NWD1: variants seen among roughly 807,000 people sequenced by gnomAD.
The protein encoded by NWD1 is NACHT domain- and WD repeat-containing protein 1.
NWD1 carries 129 observed loss-of-function variants against 135.1 expected under a neutral mutation model. The ratio of observed to expected loss-of-function variants is 0.96; its 90% CI spans 0.83 to 1.11. The LOEUF (loss-of-function observed/expected upper bound fraction) is 1.11, where lower values mean the gene tolerates loss of function less well. NWD1 is among the 50% of genes least tolerant of loss of function. The pLI, the probability that NWD1 is intolerant of heterozygous loss-of-function variation, is 0.00. For synonymous variants in NWD1, 773 were observed against 786.0 expected (o/e 0.98, Z 0.28); for missense variants, 1,740 against 1,851.3 (o/e 0.94, Z 1.10).
At chr19:16,744,050 A>G (rs540861274) in intron 4 of NWD1, among the ~76,000 whole-genome samples, 235 of 152,254 alleles carry the variant, frequency 1.5e-3, no homozygotes, top group Non-Finnish European at 2.4e-3. Flanking sequence ...AAGGACCCAC[A>G]AAAGCAGCTA....
chr19:16,809,594 A>G (rs1970860006), intron 18 of NWD1, among the ~76,000 whole-genome samples: 1 of 134,522 alleles, frequency 7.4e-6, no homozygotes, highest in Admixed American at 8.7e-5. Context: ...TTGCTCTGTC[A>G]CCCAGGCTGG....
chr19:16,744,898 G>A, intron 5 of NWD1, 180 bp downstream of exon 5: 3 of 661,648 alleles, frequency 4.5e-6, no homozygotes, highest in Non-Finnish European at 8.1e-6. Flanking sequence ...GTTCAGCCAT[G>A]TTCCTGATCA....
Position 16,790,473 on chromosome 19 carries a change from G to A in NWD1, c.2941-877G>A, listed in dbSNP as rs372061937. ...AAACACTTGAAATTCGGGGGGTAGGGGGTAAGGGGAGGGAGAGCATTAGGA... is the reference window on the plus strand; with the variant it reads ...AAACACTTGAAATTCGGGGGGTAGGAGGTAAGGGGAGGGAGAGCATTAGGA... On this transcript the variant is annotated intron_variant, in intron 13 of 18. Transcript: ENST00000524140. Among the ~76,000 whole-genome samples the A allele has an allele frequency of 5.9e-5, 9 of 151,846 alleles. No individual in the cohort carries two copies. In the East Asian group the frequency reaches 1.5e-3, roughly 26 times the overall value.
Position 16,779,424 on chromosome 19 carries a change from T to C in NWD1, c.2690T>C (p.Met897Thr). Residue 897 changes from methionine (M) to threonine (T), a missense_variant, in exon 12 of 19, where the codon ATG (methionine) becomes ACG (threonine). Physicochemically the swap from Met to Thr is moderately conservative, Grantham distance 81 (BLOSUM62 -1). Coordinates refer to ENST00000524140, the MANE Select transcript of NWD1 (RefSeq NM_001007525.5). ...TQDGIMAVWD[M>T]EEQHVIHMLT... is the part of the protein sequence containing the mutation. ...GATGGCATCATGGCTGTGTGGGACA[T>C]GGAAGAGCAGCATGTGATCCACATG... 2 of 1,613,656 alleles carry C rather than the reference T, an allele frequency of 1.2e-6. No homozygotes were observed. Among genetic ancestry groups the C allele is most frequent in the Non-Finnish European group, 8.5e-7 (1 of 1,179,922 alleles).
intron 4 of NWD1, among the ~76,000 whole-genome samples, chr19:16,742,150 G>T (rs1029476719): frequency 6.6e-6 from 1 of 151,008 alleles, no homozygotes; most frequent in Admixed American, 6.6e-5. Flanking sequence ...TGAAGCAGGC[G>T]GATCACCTGA....
At chr19:16,811,023 A>G (rs564343207) in intron 18 of NWD1, among the ~76,000 whole-genome samples, 44 of 152,020 alleles carry the variant, frequency 2.9e-4, no homozygotes, top group Non-Finnish European at 5.3e-4. Flanking sequence ...GTGCCACTGC[A>G]CCTGGCTAAT....
At chr19:16,734,177 G>A (rs547713105) in intron 3 of NWD1, among the ~76,000 whole-genome samples, 4 of 152,220 alleles carry the variant, frequency 2.6e-5, no homozygotes, top group Non-Finnish European at 5.9e-5. Context: ...TCCTTTGCAA[G>A]GAAAGCTTTG....
chr19:16,720,855 G>T (rs1399418162), intron 1 of NWD1, among the ~76,000 whole-genome samples: 1 of 151,858 alleles, frequency 6.6e-6, no homozygotes. Context: ...ACCTGGCCGA[G>T]ACTTTTTCTT....
chr19:16,740,535 G>T (rs898394408), intron 4 of NWD1, among the ~76,000 whole-genome samples: 2 of 151,240 alleles, frequency 1.3e-5, no homozygotes, highest in Non-Finnish European at 2.9e-5. Flanking sequence ...ACAGGGTTTC[G>T]CCATGTTGGC....
intron 4 of NWD1, among the ~76,000 whole-genome samples, chr19:16,737,178 TCCAATTGCA>T (rs1299325227): frequency 6.6e-6 from 1 of 152,108 alleles, no homozygotes. Flanking sequence ...CCCTCTCTCT[TCCAATTGCA>T]CCCCTTCTAT....
chr19:16,721,183 G>T (rs967039290), intron 1 of NWD1, among the ~76,000 whole-genome samples: 1 of 151,960 alleles, frequency 6.6e-6, no homozygotes, highest in African/African-American at 2.4e-5. Context: ...GACTTTGGTG[G>T]TGGTGGTGGG....
intron 17 of NWD1, among the ~76,000 whole-genome samples, chr19:16,803,471 A>G (rs187031695): frequency 3.3e-5 from 5 of 152,216 alleles, no homozygotes; most frequent in Admixed American, 2.6e-4. Context: ...TAGCTAGTCA[A>G]AAACAGGTTT....
chr19:16,746,018 C>A (rs1968298538), intron 5 of NWD1, among the ~76,000 whole-genome samples: 1 of 152,074 alleles, frequency 6.6e-6, no homozygotes, highest in Non-Finnish European at 1.5e-5. Context: ...CTGTGTATAA[C>A]TTTTGACTCC....
intron 12 of NWD1, among the ~76,000 whole-genome samples, chr19:16,788,398 T>C (rs1970129286): frequency 6.7e-6 from 1 of 149,654 alleles, no homozygotes; most frequent in Admixed American, 6.7e-5. Flanking sequence ...GTCAAACCCG[T>C]CTCCACTAAA....
Position 16,797,734 on chromosome 19 carries a change from T to G in NWD1, c.3307T>G (p.Phe1103Val). The G allele has an allele frequency of 6.2e-7, 1 of 1,613,714 alleles. No homozygotes were observed. Residue 1103 changes from phenylalanine (F) to valine (V), a missense_variant and splice_region_variant, in exon 16 of 19, where the codon TTT becomes GTT. Physicochemically the swap from Phe to Val is conservative, Grantham distance 50. Transcript: ENST00000524140. ...AACCCCAGTTCCTGCCGTTTCAGGC[T>G]TTGGAAGATCGGTGCGGATATTCTT... ...SEDESLLAAGFGRSVRIFLAD... is the reference protein window; with the variant it reads ...SEDESLLAAGVGRSVRIFLAD...
intron 8 of NWD1, among the ~76,000 whole-genome samples, chr19:16,763,525 C>G (rs974303119): frequency 6.6e-6 from 1 of 152,136 alleles, no homozygotes; most frequent in African/African-American, 2.4e-5. Flanking sequence ...CCATTGTTTT[C>G]TGACACATTT....
At chr19:16,806,313 C>T (rs938827050) in intron 17 of NWD1, among the ~76,000 whole-genome samples, 5 of 152,064 alleles carry the variant, frequency 3.3e-5, no homozygotes, top group Non-Finnish European at 7.4e-5. Flanking sequence ...GGGAATTGCC[C>T]ACTGATGAAA....
chr19:16,734,734 C>CTATTTATTTATTTATTTATT (rs58756047), intron 3 of NWD1, among the ~76,000 whole-genome samples: 13 of 141,790 alleles, frequency 9.2e-5, no homozygotes, highest in African/African-American at 2.9e-4. Context: ...CTACACCTGG[C>CTATTTATTTATTTATTTATT]TATTTATTTA....
chr19:16,743,260 G>C (rs948873738), intron 4 of NWD1, among the ~76,000 whole-genome samples: 4 of 151,164 alleles, frequency 2.6e-5, no homozygotes, highest in African/African-American at 9.7e-5. Context: ...CCCCAGGCTG[G>C]AGTGCAGTGG....
Sources: allele counts gnomAD v4.1 joint callset (sites outside exome capture counted in the v4.1 genomes callset), GRCh38; gene constraint gnomAD v4.1.1; transcripts MANE v1.5; gene names NCBI Gene and HGNC (gene_info 2026-07-23, HGNC 2026-07-21).